The following COBLL1 variants were observed in gnomAD, a reference collection of about 807,000 sequenced individuals.
COBLL1 encodes cordon-bleu WH2 repeat protein like 1.
Under a neutral mutation model 94.8 loss-of-function variants are expected in COBLL1, and 50 were observed. The observed-to-expected ratio is 0.53, with a 90% CI of 0.42 to 0.67. The LOEUF (loss-of-function observed/expected upper bound fraction) is 0.67. COBLL1 is among the 30% of genes least tolerant of loss of function. The pLI is 0.00. For synonymous variants in COBLL1, 448 were observed against 473.8 expected (o/e 0.95, Z 0.71); for missense variants, 1,362 against 1,348.7 (o/e 1.01, Z -0.15).
At chr2:164,797,244 A>G (rs1275461787) in intron 2 of COBLL1, among the ~76,000 whole-genome samples, 7 of 152,348 alleles carry the variant, frequency 4.6e-5, no homozygotes, top group Non-Finnish European at 1.0e-4. Context: ...GATGGCTGGA[A>G]TCTGCCCATA....
chr2:164,759,067 T>C (rs1256293927), intron 2 of COBLL1, among the ~76,000 whole-genome samples: 1 of 152,112 alleles, frequency 6.6e-6, no homozygotes, highest in Admixed American at 6.5e-5. Context: ...TGGGAATGCA[T>C]GTCAGCCAAG....
downstream of COBLL1, among the ~76,000 whole-genome samples, chr2:164,679,894 C>T (rs987767830): frequency 6.6e-6 from 1 of 151,500 alleles, no homozygotes; most frequent in African/African-American, 2.4e-5. Flanking sequence ...ATGTAACAAA[C>T]CTGCATGTTC....
At chr2:164,756,479 T>G (rs1687413472) in intron 2 of COBLL1, among the ~76,000 whole-genome samples, 1 of 152,156 alleles carries the variant, frequency 6.6e-6, no homozygotes, top group African/African-American at 2.4e-5. Context: ...TTATAATATC[T>G]AAAATAGTTA....
In COBLL1 at chr2:164,818,374, G is replaced by A. The variant is rs532597436; in HGVS notation, c.41+22782C>T. On this transcript the variant is annotated intron_variant, in intron 2 of 13. Transcript: ENST00000652658. ...TGTGCATATACGTATGTGTACATGC[G>A]TATGTGTGCATGTACATATACATGT... 3.8e-4 allele frequency among the ~76,000 whole-genome samples: 51 copies of A among 135,702 alleles called. 1 individual carries two copies. The highest frequency in any genetic ancestry group is 1.4e-3 in the African/African-American group (50 of 36,708). 89.0% of individuals were successfully genotyped at this position (135,702 alleles called of 152,430 possible). A position where few individuals can be genotyped will look rare whatever the true frequency, so the allele number is the denominator to read the frequency against.
At chr2:164,841,951 A>T, upstream of COBLL1, 3 of 1,535,846 alleles carry the variant, frequency 2.0e-6, no homozygotes, top group Non-Finnish European at 2.6e-6. This position sits in a 1 kb window ranked among gnomAD's most constrained non-coding sequence, Gnocchi z 5.5. Context: ...CCGCTCTCTC[A>T]CTCACCCTGC....
At chr2:164,746,282 C>G (rs916568437) in intron 2 of COBLL1, among the ~76,000 whole-genome samples, 2 of 152,122 alleles carry the variant, frequency 1.3e-5, no homozygotes, top group Non-Finnish European at 2.9e-5. Context: ...AACGAAACAA[C>G]CAGAGTGATC....
At chr2:164,793,166 C>G (rs753479217) in intron 2 of COBLL1, among the ~76,000 whole-genome samples, 1 of 152,134 alleles carries the variant, frequency 6.6e-6, no homozygotes, top group Admixed American at 6.5e-5. Flanking sequence ...GTAATTCAAA[C>G]CTGTGAAACA....
intron 13 of COBLL1, among the ~76,000 whole-genome samples, chr2:164,688,168 AAGTGG>A (rs1240775267): frequency 1.3e-5 from 2 of 152,204 alleles, no homozygotes; most frequent in African/African-American, 4.8e-5. Flanking sequence ...CATACTACAG[AAGTGG>A]GCTAGAAGCT....
chr2:164,714,387 A>G (rs915624515), intron 7 of COBLL1, among the ~76,000 whole-genome samples: 1 of 151,880 alleles, frequency 6.6e-6, no homozygotes, highest in African/African-American at 2.4e-5. Flanking sequence ...AAAAAAAAAA[A>G]AACCAGGATG....
At chr2:164,745,924 A>T (rs967601252) in intron 2 of COBLL1, among the ~76,000 whole-genome samples, 17 of 152,226 alleles carry the variant, frequency 1.1e-4, no homozygotes, top group Non-Finnish European at 2.4e-4. Context: ...TCAGTAAGGT[A>T]GGTTGGCACA....
At chr2:164,794,647 A>C (rs7566032) in intron 2 of COBLL1, among the ~76,000 whole-genome samples, 28,174 of 152,032 alleles carry the variant, frequency 0.19, 2,875 homozygotes, top group African/African-American at 0.24. Context: ...ACACTCCTGA[A>C]CAAGGCAGTG....
chr2:164,802,347 G>A (rs907466027), intron 2 of COBLL1, among the ~76,000 whole-genome samples: 3 of 152,202 alleles, frequency 2.0e-5, no homozygotes, highest in Non-Finnish European at 2.9e-5. Flanking sequence ...AAAGTCCACA[G>A]ATCAAACCTG....
At chr2:164,788,586 T>G (rs900699829) in intron 2 of COBLL1, among the ~76,000 whole-genome samples, 2 of 152,150 alleles carry the variant, frequency 1.3e-5, no homozygotes, top group Admixed American at 6.6e-5. Context: ...ACATGTTTGG[T>G]AAAAGTTTGT....
intron 13 of COBLL1, among the ~76,000 whole-genome samples, chr2:164,686,616 T>C (rs1244898119): frequency 6.6e-6 from 1 of 151,984 alleles, no homozygotes; most frequent in Admixed American, 6.6e-5. Flanking sequence ...TTTTCCTTAG[T>C]AAGTAAACTC....
At chr2:164,676,255 C>A (rs1320268985), downstream of COBLL1, among the ~76,000 whole-genome samples, 2 of 152,090 alleles carry the variant, frequency 1.3e-5, no homozygotes, top group Non-Finnish European at 2.9e-5. Context: ...GCCTTTATAT[C>A]TTTTAATGGT....
At chr2:164,716,843 G>A (rs944411970) in intron 7 of COBLL1, among the ~76,000 whole-genome samples, 5 of 152,094 alleles carry the variant, frequency 3.3e-5, no homozygotes, top group African/African-American at 1.2e-4. Flanking sequence ...TTAGAAGAAT[G>A]AGGCAAATTA....
chr2:164,681,954 T>G lies in COBLL1; in HGVS notation c.*3992A>C, dbSNP rs1032267727. On this transcript the variant is annotated 3_prime_UTR_variant, in exon 14 of 14. Transcript: ENST00000652658. ...AGTCTAACATATTAAGGATGGAAATTTGCAGGAAAGTGGTAACATTTAAGA... is the reference window on the plus strand; with the variant it reads ...AGTCTAACATATTAAGGATGGAAATGTGCAGGAAAGTGGTAACATTTAAGA... 2 of 152,170 alleles carry G rather than the reference T, an allele frequency of 1.3e-5. No individual in the cohort carries two copies. Among genetic ancestry groups the G allele is most frequent in the African/African-American group, 4.8e-5 (2 of 41,430 alleles). The allele number at this position is 152,170 out of a possible 1,614,324, so 9.4% of individuals were successfully genotyped here. A position where few individuals can be genotyped will look rare whatever the true frequency, so the allele number is the denominator to read the frequency against.
chr2:164,801,210 C>A (rs957417674), intron 2 of COBLL1, among the ~76,000 whole-genome samples: 5 of 151,682 alleles, frequency 3.3e-5, no homozygotes, highest in African/African-American at 9.7e-5. Context: ...GAGGCCGAGG[C>A]AGGCGGATCA....
intron 2 of COBLL1, among the ~76,000 whole-genome samples, chr2:164,662,385 G>A (rs1413663578): frequency 6.6e-6 from 1 of 152,170 alleles, no homozygotes; most frequent in African/African-American, 2.4e-5. Context: ...TGGAAATTTT[G>A]CACATGGAAT....
Sources: allele counts gnomAD v4.1 joint callset (sites outside exome capture counted in the v4.1 genomes callset), GRCh38; gene constraint gnomAD v4.1.1; non-coding constraint Gnocchi (gnomAD v3.1); transcripts MANE v1.5; gene names NCBI Gene and HGNC (gene_info 2026-07-23, HGNC 2026-07-21).